The following CACNA1C variants were observed in gnomAD, a reference collection of about 807,000 sequenced individuals.
CACNA1C encodes the protein voltage-dependent L-type calcium channel subunit alpha-1C.
In CACNA1C, 30 loss-of-function variants were observed where a neutral mutation model predicts 229.0. That is an observed-to-expected ratio of 0.13 (90% confidence interval 0.10 to 0.18). CACNA1C has a LOEUF of 0.18. Among genes scored for constraint, CACNA1C ranks in the 10% least tolerant of loss-of-function variants. The pLI, the probability that CACNA1C is intolerant of heterozygous loss-of-function variation, is 1.00. For synonymous variants in CACNA1C, 1,114 were observed against 1,132.5 expected (o/e 0.98, Z 0.33); for missense variants, 1,658 against 2,845.0 (o/e 0.58, Z 9.49).
At chr12:2,107,661 A>G (rs988894148) in intron 1 of CACNA1C, among the ~76,000 whole-genome samples, 1 of 152,250 alleles carries the variant, frequency 6.6e-6, no homozygotes, top group Non-Finnish European at 1.5e-5. Context: ...ACACTGAAAA[A>G]GGACTTTTGG....
At chr12:2,157,617 C>T (rs926572231) in intron 3 of CACNA1C, among the ~76,000 whole-genome samples, 3 of 152,218 alleles carry the variant, frequency 2.0e-5, no homozygotes, top group Non-Finnish European at 4.4e-5. Context: ...GCCAACAGGG[C>T]GTTCCAGCTG....
chr12:2,650,904 G>A (rs2094893607), intron 31 of CACNA1C, among the ~76,000 whole-genome samples: 1 of 152,136 alleles, frequency 6.6e-6, no homozygotes, highest in Non-Finnish European at 1.5e-5. Context: ...TGTACAGCCT[G>A]AAGGGTTGGA....
At position 2,421,438 on chromosome 12, in the gene CACNA1C, A is replaced by G. The variant is rs186968022; in HGVS notation, c.478-27538A>G. 1.6e-4 allele frequency among the ~76,000 whole-genome samples: 24 copies of G among 152,342 alleles called. No individual in the cohort carries two copies. The East Asian group carries it at 4.0e-3, about 26-fold the overall frequency. On this transcript the variant is annotated intron_variant, in intron 3 of 46. Transcript: ENST00000399655. Reference sequence around the variant, plus strand: ...TGCCTCAATTCTTTTTTGAGGGACAAATGGGATTCACCATGGGAAAGAGAG... The same window carrying G: ...TGCCTCAATTCTTTTTTGAGGGACAGATGGGATTCACCATGGGAAAGAGAG...
intron 30 of CACNA1C, among the ~76,000 whole-genome samples, chr12:2,640,623 C>T (rs1043558432): frequency 3.9e-5 from 6 of 152,196 alleles, no homozygotes; most frequent in African/African-American, 1.4e-4. Flanking sequence ...CCAGAAGGAG[C>T]AAGCAGCGAC....
chr12:2,245,763 G>A (rs1298990263), intron 3 of CACNA1C, among the ~76,000 whole-genome samples: 1 of 152,146 alleles, frequency 6.6e-6, no homozygotes, highest in Non-Finnish European at 1.5e-5. Context: ...AAGGGTAGTT[G>A]CAGTCTTATT....
intron 5 of CACNA1C, among the ~76,000 whole-genome samples, chr12:2,475,181 C>A (rs1008084534): frequency 6.6e-6 from 1 of 151,992 alleles, no homozygotes; most frequent in Admixed American, 6.5e-5. Flanking sequence ...CGCCTGTAGT[C>A]CCAGCTACTC....
rs79498889 is a variant in CACNA1C, at chr12:2,495,942, G to T, written c.1113+2556G>T. On this transcript the variant is annotated intron_variant, in intron 7 of 46. Transcript: ENST00000399655. The stretch of plus-strand genomic sequence containing the variant: ...TCTCTAATTGCTTTGACCTTTCTAC[G>T]GCTGTTTCTTCCTTCTTCCTCCCTC... Among the ~76,000 whole-genome samples, 1,186 of 152,202 alleles carry T rather than the reference G, an allele frequency of 7.8e-3. 19 individuals carry two copies. Among genetic ancestry groups the T allele is most frequent in the African/African-American group, 0.027 (1,138 of 41,514 alleles).
chr12:2,068,706 C>A (rs913266146), intron 1 of CACNA1C, among the ~76,000 whole-genome samples: 3 of 152,198 alleles, frequency 2.0e-5, no homozygotes, highest in African/African-American at 7.2e-5. Context: ...TGACGGCCCT[C>A]GTGGGAGTTG....
At chr12:2,126,682 C>T (rs2090191778) in intron 3 of CACNA1C, among the ~76,000 whole-genome samples, 1 of 152,170 alleles carries the variant, frequency 6.6e-6, no homozygotes, top group South Asian at 2.1e-4. Flanking sequence ...AGCCGTCCGT[C>T]AGAGGGGCTT....
intron 1 of CACNA1C, among the ~76,000 whole-genome samples, chr12:2,093,898 C>T (rs538538123): frequency 1.1e-4 from 16 of 152,326 alleles, no homozygotes; most frequent in South Asian, 2.1e-4. Context: ...ATCTGTGTTT[C>T]GTGCTGAAAG....
Position 2,647,533 on chromosome 12 carries a change from C to T in CACNA1C, c.3913-942C>T, listed in dbSNP as rs570151236. Among the ~76,000 whole-genome samples, 13 of 152,294 alleles carry T rather than the reference C, an allele frequency of 8.5e-5. No homozygotes were observed. Among genetic ancestry groups the T allele is most frequent in the South Asian group, 8.3e-4 (4 of 4,820 alleles). ...TTATTTCATGCCAACGGTCAGGGCT[C>T]GCCGCACCTATAGACCAACAGCTAA... On this transcript the variant is annotated intron_variant, in intron 30 of 46. Transcript: ENST00000399655. This position sits in a 1 kb window ranked among gnomAD's most constrained non-coding sequence, Gnocchi z 4.2.
chr12:2,574,100 A>G (rs1232236921), intron 13 of CACNA1C, among the ~76,000 whole-genome samples: 1 of 152,214 alleles, frequency 6.6e-6, no homozygotes, highest in Non-Finnish European at 1.5e-5. Context: ...AAAGGCCAGG[A>G]AGCCTGTACT....
chr12:2,068,285 A>G (rs1300275668), intron 1 of CACNA1C, among the ~76,000 whole-genome samples: 3 of 152,154 alleles, frequency 2.0e-5, no homozygotes, highest in Non-Finnish European at 2.9e-5. Context: ...GGTACCCCCC[A>G]GACCCTGCCC....
Position 2,160,937 on chromosome 12 carries a change from T to C in CACNA1C, c.477+40507T>C, listed in dbSNP as rs148138715. ...CCCAGGTTCAAGCGATTCTCCTGCC[T>C]CAGCCTCCTGAGTAGCTGGGACTAC... is the stretch of plus-strand genomic sequence containing the variant. On this transcript the variant is annotated intron_variant, in intron 3 of 46. Transcript: ENST00000399655. Among the ~76,000 whole-genome samples, 945 of 152,316 alleles carry C rather than the reference T, an allele frequency of 6.2e-3. 11 individuals carry two copies. Among genetic ancestry groups the C allele is most frequent in the African/African-American group, 0.022 (896 of 41,562 alleles).
chr12:2,406,246 G>C (rs769568569), intron 3 of CACNA1C, among the ~76,000 whole-genome samples: 1 of 152,052 alleles, frequency 6.6e-6, no homozygotes, highest in East Asian at 1.9e-4. Context: ...GGATTTCTTT[G>C]GGCTTATCCT....
In CACNA1C at chr12:2,636,536, A is replaced by G. The variant is rs112357566; in HGVS notation, c.3912+2156A>G. Among the ~76,000 whole-genome samples, 20 of 152,138 alleles carry G rather than the reference A, an allele frequency of 1.3e-4. 1 individual carries two copies. Among genetic ancestry groups the G allele is most frequent in the African/African-American group, 4.8e-4 (20 of 41,492 alleles). ...TGCATTTATCTGACAACTCTAAACTACCCTTTAAATTTGACAGGTAAGAAT... is the reference window on the plus strand; with the variant it reads ...TGCATTTATCTGACAACTCTAAACTGCCCTTTAAATTTGACAGGTAAGAAT... On this transcript the variant is annotated intron_variant, in intron 30 of 46. Transcript: ENST00000399655.
At position 2,348,283 on chromosome 12, in the gene CACNA1C, GGCCA is replaced by G. The variant is rs1252634882; in HGVS notation, c.478-100691_478-100688del. ...GTCTGCAGCCCCTCCCCCACTGCAG[GGCCA>G]GGACAGGCCGTCCTGAGTGCTGGCC... On this transcript the variant is annotated intron_variant, in intron 3 of 46. Transcript: ENST00000399655. This position sits in a 1 kb window ranked among gnomAD's most constrained non-coding sequence, Gnocchi z 4.7. Among the ~76,000 whole-genome samples, 1 of 152,196 alleles carries G rather than the reference GGCCA, an allele frequency of 6.6e-6. No individual in the cohort carries two copies. The highest frequency in any genetic ancestry group is 1.5e-5 in the Non-Finnish European group (1 of 68,036).
chr12:2,470,479 C>T (rs1003359213), intron 5 of CACNA1C, among the ~76,000 whole-genome samples: 3 of 152,172 alleles, frequency 2.0e-5, no homozygotes, highest in Non-Finnish European at 2.9e-5. Flanking sequence ...ATACGCAGAA[C>T]GTGAGCCCCA....
chr12:2,450,123 A>C lies in CACNA1C; in HGVS notation c.617+1008A>C, dbSNP rs139531371. ...TAAGGTAGAGTCAGTCTAGGCTTTC[A>C]AAACAGCAATGCAAAGAATCTTAAA... On this transcript the variant is annotated intron_variant, in intron 4 of 46. Transcript: ENST00000399655. 6.6e-3 allele frequency among the ~76,000 whole-genome samples: 1,007 copies of C among 152,338 alleles called. 9 individuals are homozygous for C. Among genetic ancestry groups the C allele is most frequent in the Middle Eastern group, 0.014 (4 of 294 alleles).
Sources: allele counts gnomAD v4.1 joint callset (sites outside exome capture counted in the v4.1 genomes callset), GRCh38; gene constraint gnomAD v4.1.1; non-coding constraint Gnocchi (gnomAD v3.1); transcripts MANE v1.5; gene names NCBI Gene and HGNC (gene_info 2026-07-23, HGNC 2026-07-21).